G3BP1: variants seen among roughly 807,000 people sequenced by gnomAD.
G3BP1 encodes the protein ras GTPase-activating protein-binding protein 1.
G3BP1 carries 35 observed loss-of-function variants against 58.6 expected under a neutral mutation model. The ratio of observed to expected loss-of-function variants is 0.60; its 90% confidence interval spans 0.46 to 0.79. The LOEUF (loss-of-function observed/expected upper bound fraction) is 0.79, where lower values mean the gene tolerates loss of function less well. Among genes scored for constraint, G3BP1 ranks in the 30% least tolerant of loss-of-function variants. G3BP1 has a pLI of 0.00. For synonymous variants in G3BP1, 191 were observed against 195.4 expected (o/e 0.98, Z 0.19); for missense variants, 523 against 580.8 (o/e 0.90, Z 1.02).
rs61621851 is a variant in G3BP1, at chr5:151,776,048, A to G, written c.-50+4012A>G. On this transcript the variant is annotated intron_variant, in intron 1 of 11. Transcript: ENST00000356245. ...TTTGGATTTCCTTAGTTTTTCTACTAATGTCCTTTTTCTGTTCTAGGATCC... is the reference window on the plus strand; with the variant it reads ...TTTGGATTTCCTTAGTTTTTCTACTGATGTCCTTTTTCTGTTCTAGGATCC... Among the ~76,000 whole-genome samples the G allele has an allele frequency of 6.5e-3, 990 of 152,284 alleles. 11 individuals carry two copies. Among genetic ancestry groups the G allele is most frequent in the African/African-American group, 0.022 (922 of 41,558 alleles).
intron 2 of G3BP1, among the ~76,000 whole-genome samples, chr5:151,788,615 T>TGTGTGTGTGTGTGTGTGTGTG (rs1276643889): frequency 6.8e-6 from 1 of 147,228 alleles, no homozygotes; most frequent in African/African-American, 2.6e-5. Flanking sequence ...TGTGTGTGTA[T>TGTGTGTGTGTGTGTGTGTGTG]TATTTATTTA....
chr5:151,796,740 T>C (rs546984161), intron 6 of G3BP1, among the ~76,000 whole-genome samples: 2 of 152,344 alleles, frequency 1.3e-5, no homozygotes, highest in South Asian at 2.1e-4. Context: ...TCTTAACCAT[T>C]TTTAAGTGTA....
At chr5:151,785,934 A>C (rs1188354488) in intron 1 of G3BP1, among the ~76,000 whole-genome samples, 5 of 152,210 alleles carry the variant, frequency 3.3e-5, no homozygotes, top group Non-Finnish European at 5.9e-5. Flanking sequence ...CTTTGAATCT[A>C]ATATTGCCTC....
intron 7 of G3BP1, among the ~76,000 whole-genome samples, 180 bp from the exon 8 acceptor site, chr5:151,799,032 G>C (rs1352376033): frequency 1.3e-5 from 2 of 152,080 alleles, no homozygotes; most frequent in Non-Finnish European, 2.9e-5. Context: ...TCAGTCCCAA[G>C]GAATTTCAGT....
chr5:151,793,669 A>G (rs1038511108), intron 4 of G3BP1, among the ~76,000 whole-genome samples: 14 of 152,008 alleles, frequency 9.2e-5, no homozygotes, highest in South Asian at 2.1e-4. Flanking sequence ...CCCTAACCTT[A>G]TAAGTTGTCA....
At chr5:151,788,607 T>TGTGC (rs1762594097) in intron 2 of G3BP1, among the ~76,000 whole-genome samples, 1 of 150,292 alleles carries the variant, frequency 6.7e-6, no homozygotes, top group African/African-American at 2.5e-5. Flanking sequence ...TGTGTGTGTG[T>TGTGC]GTGTGTATTA....
intron 4 of G3BP1, 78 bp from the exon 5 acceptor site, chr5:151,794,081 C>T: frequency 1.2e-6 from 1 of 841,096 alleles, no homozygotes; most frequent in South Asian, 1.4e-5. Context: ...CAGACTTGTC[C>T]CAGTCACCAA....
chr5:151,800,334 G>T lies in G3BP1; in HGVS notation c.1072G>T (p.Asp358Tyr). Residue 358 changes from aspartate (D) to tyrosine (Y), a missense_variant, in exon 10 of 12, where the codon GAT (aspartate) becomes TAT (tyrosine). This residue lies in a region of G3BP1 where 125 missense variants were observed against 181.7 expected (regional missense o/e 0.69). Coordinates refer to ENST00000356245, the MANE Select transcript of G3BP1 (RefSeq NM_005754.3). Reference sequence around the variant, plus strand: ...TGAAGTGGACAAATCAGAGCTTAAAGATTTCTTTCAAAGTAGGTTATTGAG... The same window carrying T: ...TGAAGTGGACAAATCAGAGCTTAAATATTTCTTTCAAAGTAGGTTATTGAG... ...PHEVDKSELK[D>Y]FFQSYGNVVE... 6.2e-7 allele frequency: 1 copy of T among 1,613,168 alleles called. No individual in the cohort carries two copies. The highest frequency in any genetic ancestry group is 8.5e-7 in the Non-Finnish European group (1 of 1,179,324).
In G3BP1 at chr5:151,804,827, T is replaced by C. The variant is rs1347213182; in HGVS notation, c.*736T>C. On this transcript the variant is annotated 3_prime_UTR_variant, in exon 12 of 12. Coordinates refer to ENST00000356245, the MANE Select transcript of G3BP1 (RefSeq NM_005754.3). ...TTTTTTCATGTTTAATTTGTATTTG[T>C]AAAAAAACAAAAAGCAAAAAAATTC... is the stretch of plus-strand genomic sequence containing the variant. The C allele has an allele frequency of 5.9e-5, 9 of 152,458 alleles. No homozygotes were observed. The highest frequency in any genetic ancestry group is 9.7e-5 in the African/African-American group (4 of 41,390). The allele number at this position is 152,458 out of a possible 1,614,324, so 9.4% of individuals were successfully genotyped here. A position where few individuals can be genotyped will look rare whatever the true frequency, so the allele number is the denominator to read the frequency against.
Position 151,812,137 on chromosome 5 carries a change from C to T in G3BP1, c.*8046C>T, listed in dbSNP as rs1340438971. ...CCCAGCTAAGCACATTTTCTACATC[C>T]CCAAAGTATTTGGAATCACAGCATT... On this transcript the variant is annotated 3_prime_UTR_variant, in exon 12 of 12. Coordinates refer to ENST00000356245, the MANE Select transcript of G3BP1 (RefSeq NM_005754.3). The T allele has an allele frequency of 6.6e-6, 1 of 152,138 alleles. No individual in the cohort carries two copies. Among genetic ancestry groups the T allele is most frequent in the Non-Finnish European group, 1.5e-5 (1 of 68,028 alleles). 9.4% of individuals were successfully genotyped at this position (152,138 alleles called of 1,614,324 possible). A position where few individuals can be genotyped will look rare whatever the true frequency, so the allele number is the denominator to read the frequency against.
intron 11 of G3BP1, among the ~76,000 whole-genome samples, chr5:151,802,699 C>T (rs1179811131): frequency 3.9e-5 from 6 of 152,120 alleles, no homozygotes; most frequent in Non-Finnish European, 8.8e-5. Context: ...TTTGGGAGGC[C>T]GAGGCGGGCG....
At chr5:151,794,319 C>G (rs1762710341) in intron 5 of G3BP1, 70 bp downstream of exon 5, 1 of 801,096 alleles carries the variant, frequency 1.2e-6, no homozygotes, top group South Asian at 1.4e-5. Context: ...CCTTAAGAGA[C>G]TATGGGTTTC....
chr5:151,788,820 C>T (rs1277462672), intron 2 of G3BP1, among the ~76,000 whole-genome samples: 1 of 151,516 alleles, frequency 6.6e-6, no homozygotes, highest in Non-Finnish European at 1.5e-5. Context: ...TCTTGTTGAC[C>T]AGGCTGGAGT....
chr5:151,797,682 T>C (rs1320621111), intron 7 of G3BP1, among the ~76,000 whole-genome samples: 3 of 152,236 alleles, frequency 2.0e-5, no homozygotes, highest in Non-Finnish European at 4.4e-5. Context: ...AAATTTTAGG[T>C]GCCACTGTAG....
At chr5:151,773,575 T>G (rs1762315064) in intron 1 of G3BP1, among the ~76,000 whole-genome samples, 1 of 152,240 alleles carries the variant, frequency 6.6e-6, no homozygotes, top group African/African-American at 2.4e-5. Flanking sequence ...AACATACTCC[T>G]TGGCTTAGTG....
At chr5:151,794,034 G>C (rs1762705924) in intron 4 of G3BP1, 125 bp from the exon 5 acceptor site, 1 of 622,440 alleles carries the variant, frequency 1.6e-6, no homozygotes, top group African/African-American at 1.9e-5. Context: ...AACAAAAACT[G>C]AAATGTCTCC....
At chr5:151,801,055 T>C (rs895560844) in intron 11 of G3BP1, among the ~76,000 whole-genome samples, 186 bp downstream of exon 11, 13 of 152,220 alleles carry the variant, frequency 8.5e-5, no homozygotes, top group African/African-American at 2.4e-4. Context: ...ACAAACCTTA[T>C]GTTTAAGTAA....
intron 7 of G3BP1, 138 bp from the exon 8 acceptor site, chr5:151,799,074 C>A: frequency 1.6e-6 from 1 of 606,620 alleles, no homozygotes; most frequent in South Asian, 2.0e-5. Flanking sequence ...AGAGAAGAAT[C>A]TTAATATATA....
chr5:151,800,890 ATTTTT>A (rs200261823), intron 11 of G3BP1, 21 bp downstream of exon 11: 2 of 836,560 alleles, frequency 2.4e-6, no homozygotes, highest in Non-Finnish European at 3.8e-6. Flanking sequence ...TTTTGTCTTG[ATTTTT>A]TTTTTTTTTT....
Sources: allele counts gnomAD v4.1 joint callset (sites outside exome capture counted in the v4.1 genomes callset), GRCh38; gene constraint gnomAD v4.1.1; regional missense constraint gnomAD v4.1.1; transcripts MANE v1.5; gene names NCBI Gene and HGNC (gene_info 2026-07-23, HGNC 2026-07-21).